Variants in CTNNA2 observed in about 807,000 individuals in gnomAD.
CTNNA2 encodes catenin alpha 2.
A neutral mutation model predicts 101.0 loss-of-function variants in CTNNA2; 42 were observed. The ratio of observed to expected loss-of-function variants is 0.42; its 90% confidence interval spans 0.32 to 0.54. CTNNA2 has a LOEUF of 0.54. Ranked by LOEUF, CTNNA2 falls within the 20% of genes least tolerant of loss-of-function variation. The pLI is 0.14. For synonymous variants in CTNNA2, 450 were observed against 456.4 expected (o/e 0.99, Z 0.18); for missense variants, 871 against 1,223.1 (o/e 0.71, Z 4.29).
intron 3 of CTNNA2, among the ~76,000 whole-genome samples, chr2:79,815,668 T>C (rs1446049321): frequency 1.3e-5 from 2 of 152,198 alleles, no homozygotes; most frequent in Non-Finnish European, 2.9e-5. Context: ...AATGGCCTTA[T>C]AGTATAGTTT....
intron 7 of CTNNA2, among the ~76,000 whole-genome samples, chr2:80,241,240 G>A (rs1405122346): frequency 6.6e-6 from 1 of 151,066 alleles, no homozygotes; most frequent in Non-Finnish European, 1.5e-5. Context: ...TTAATCAGGA[G>A]TACTTCTAAT....
chr2:80,284,680 G>A (rs946169134), intron 7 of CTNNA2, among the ~76,000 whole-genome samples: 21 of 151,984 alleles, frequency 1.4e-4, no homozygotes, highest in African/African-American at 4.6e-4. Context: ...AGGCAGGGCA[G>A]GATTTGAACC....
intron 3 of CTNNA2, among the ~76,000 whole-genome samples, chr2:79,336,765 C>A (rs1248006194): frequency 6.6e-6 from 1 of 152,134 alleles, no homozygotes; most frequent in Non-Finnish European, 1.5e-5. Flanking sequence ...CTGGAGGGCC[C>A]TATCTGTGTC....
intron 7 of CTNNA2, among the ~76,000 whole-genome samples, chr2:80,051,083 G>A (rs1477940692): frequency 6.6e-6 from 1 of 152,044 alleles, no homozygotes; most frequent in Non-Finnish European, 1.5e-5. Flanking sequence ...GCGGTATAAT[G>A]TTACCATGAA....
chr2:79,459,060 G>A (rs959469906), intron 4 of CTNNA2, among the ~76,000 whole-genome samples: 15 of 152,080 alleles, frequency 9.9e-5, no homozygotes, highest in African/African-American at 3.4e-4. Flanking sequence ...AAACCTGATA[G>A]AATTTAAAAT....
chr2:79,265,606 A>G (rs1321545708), intron 2 of CTNNA2, among the ~76,000 whole-genome samples: 1 of 152,222 alleles, frequency 6.6e-6, no homozygotes, highest in Non-Finnish European at 1.5e-5. Context: ...ACAAAATTCA[A>G]TGAGGCTTGA....
At chr2:79,735,519 A>T (rs1196278186) in intron 2 of CTNNA2, among the ~76,000 whole-genome samples, 1 of 152,154 alleles carries the variant, frequency 6.6e-6, no homozygotes, top group Non-Finnish European at 1.5e-5. Flanking sequence ...TATCTCACCC[A>T]ATCATAGATA....
intron 9 of CTNNA2, among the ~76,000 whole-genome samples, chr2:80,543,362 A>C (rs192255971): frequency 3.9e-5 from 6 of 152,206 alleles, no homozygotes; most frequent in Non-Finnish European, 7.3e-5. Context: ...CTAATGAGGC[A>C]TATGTCTTTT....
intron 4 of CTNNA2, among the ~76,000 whole-genome samples, chr2:79,461,536 A>C (rs1437592554): frequency 3.3e-5 from 5 of 152,150 alleles, no homozygotes; most frequent in African/African-American, 1.2e-4. Context: ...AGGTGGCTTC[A>C]GTCCCCACCT....
At chr2:79,745,773 A>G (rs977349295) in intron 3 of CTNNA2, among the ~76,000 whole-genome samples, 2 of 152,162 alleles carry the variant, frequency 1.3e-5, no homozygotes, top group Non-Finnish European at 2.9e-5. Flanking sequence ...CATCGTATGT[A>G]TATACCACAT....
intron 7 of CTNNA2, among the ~76,000 whole-genome samples, chr2:79,986,084 ACAAATCCT>A (rs1175148448): frequency 6.6e-6 from 1 of 152,198 alleles, no homozygotes; most frequent in Non-Finnish European, 1.5e-5. Context: ...TCTATGAGGG[ACAAATCCT>A]TTTGCCAAAA....
chr2:79,799,054 G>T (rs1558938818), intron 3 of CTNNA2, among the ~76,000 whole-genome samples: 1 of 152,134 alleles, frequency 6.6e-6, no homozygotes, highest in Non-Finnish European at 1.5e-5. Context: ...GTGAGCCCCA[G>T]CCCAGATTTG....
chr2:79,220,152 G>A (rs1434200), intron 2 of CTNNA2, among the ~76,000 whole-genome samples: 124,902 of 151,958 alleles, frequency 0.82, 51,750 homozygotes, highest in East Asian at 0.99. Flanking sequence ...AAAATTGGCC[G>A]TATATATATG....
chr2:79,256,696 G>A (rs1366352778), intron 2 of CTNNA2, among the ~76,000 whole-genome samples: 3 of 152,190 alleles, frequency 2.0e-5, no homozygotes, highest in East Asian at 3.9e-4. Flanking sequence ...GGGAGTAGAA[G>A]GGGCAATGTC....
intron 8 of CTNNA2, among the ~76,000 whole-genome samples, chr2:80,408,978 G>A (rs1573969922): frequency 6.6e-6 from 1 of 152,200 alleles, no homozygotes; most frequent in East Asian, 1.9e-4. Flanking sequence ...TGTAAGGAAG[G>A]TCAAATGAAA....
chr2:80,308,829 C>T (rs185751664), intron 7 of CTNNA2, among the ~76,000 whole-genome samples: 7 of 152,196 alleles, frequency 4.6e-5, no homozygotes, highest in African/African-American at 1.7e-4. Flanking sequence ...CCTGTAATCC[C>T]AGCACTTTGG....
chr2:79,339,287 T>G (rs936356613), intron 3 of CTNNA2, among the ~76,000 whole-genome samples: 4 of 151,050 alleles, frequency 2.6e-5, no homozygotes, highest in Middle Eastern at 6.8e-3. Flanking sequence ...TCAAGGGGAG[T>G]GAAAAGGAGT....
intron 7 of CTNNA2, among the ~76,000 whole-genome samples, chr2:80,102,962 C>T (rs1700637581): frequency 6.6e-6 from 1 of 152,150 alleles, no homozygotes; most frequent in Non-Finnish European, 1.5e-5. Flanking sequence ...GACGTGAGTT[C>T]TATTCCAGAA....
At chr2:80,385,295 G>A (rs1472259609) in intron 7 of CTNNA2, among the ~76,000 whole-genome samples, 1 of 152,144 alleles carries the variant, frequency 6.6e-6, no homozygotes, top group Non-Finnish European at 1.5e-5. Context: ...ATTATGTCAT[G>A]AGGGTGGAGA....
Sources: gnomAD v4.1 joint callset for allele counts (sites outside exome capture counted in the v4.1 genomes callset) on GRCh38, gnomAD v4.1.1 for gene constraint, MANE v1.5 for transcripts, NCBI Gene and HGNC (gene_info 2026-07-23, HGNC 2026-07-21) for gene names.